The following SYNPR variants were observed in gnomAD, a reference collection of about 807,000 sequenced individuals.
SYNPR encodes synaptoporin.
SYNPR carries 23 observed loss-of-function variants against 32.9 expected under a neutral mutation model. That is an observed-to-expected ratio of 0.70 (90% confidence interval 0.50 to 0.99). The LOEUF is 0.99. Among genes scored for constraint, SYNPR ranks in the 50% least tolerant of loss-of-function variants. The pLI is 0.00. For synonymous variants in SYNPR, 146 were observed against 135.9 expected, an observed-to-expected ratio of 1.07 and a Z score of -0.52; for missense variants, 318 against 349.3, an observed-to-expected ratio of 0.91 and a Z score of 0.71.
At chr3:63,436,405 T>C (rs919637005) in intron 2 of SYNPR, among the ~76,000 whole-genome samples, 1 of 147,938 alleles carries the variant, frequency 6.8e-6, no homozygotes, top group Middle Eastern at 3.4e-3. Flanking sequence ...ATTGTTCAAT[T>C]CCCACCTATG....
chr3:63,250,376 A>C (rs1198486204), intron 1 of SYNPR, among the ~76,000 whole-genome samples: 1 of 152,156 alleles, frequency 6.6e-6, no homozygotes, highest in East Asian at 1.9e-4. Flanking sequence ...CAAGATCTCC[A>C]CGCCTGGGGC....
chr3:63,282,310 A>G (rs983655245), intron 2 of SYNPR, among the ~76,000 whole-genome samples: 1 of 152,202 alleles, frequency 6.6e-6, no homozygotes, highest in African/African-American at 2.4e-5. Context: ...ATAAGCAATC[A>G]GTTGCTTTTA....
intron 3 of SYNPR, among the ~76,000 whole-genome samples, chr3:63,510,544 A>G (rs1258799623): frequency 2.0e-5 from 3 of 152,196 alleles, no homozygotes; most frequent in African/African-American, 7.2e-5. Context: ...GAGGGTTCCT[A>G]AATCATGCAA....
intron 2 of SYNPR, among the ~76,000 whole-genome samples, chr3:63,437,435 G>A (rs564731441): frequency 5.3e-5 from 8 of 152,146 alleles, no homozygotes; most frequent in African/African-American, 1.2e-4. Context: ...TGTGTTAGTC[G>A]GGTTTCAGGC....
At chr3:63,457,231 C>T (rs915865390) in intron 2 of SYNPR, among the ~76,000 whole-genome samples, 4 of 152,132 alleles carry the variant, frequency 2.6e-5, no homozygotes, top group African/African-American at 9.6e-5. Flanking sequence ...CTCTTCAGTG[C>T]TTTCTCTTTG....
chr3:63,466,636 G>A (rs1700686980), intron 2 of SYNPR, among the ~76,000 whole-genome samples: 1 of 152,044 alleles, frequency 6.6e-6, no homozygotes. Context: ...TAGACTGGGT[G>A]GTTTAAAGAA....
intron 4 of SYNPR, among the ~76,000 whole-genome samples, chr3:63,604,126 TATAGAGGTTTTC>T (rs906875948): frequency 1.3e-5 from 2 of 152,132 alleles, no homozygotes; most frequent in Admixed American, 1.3e-4. Context: ...AGTTTGTGCG[TATAGAGGTTTTC>T]ATAGTAGTTT....
intron 2 of SYNPR, among the ~76,000 whole-genome samples, chr3:63,355,213 AG>A (rs2087560846): frequency 6.7e-6 from 1 of 149,222 alleles, no homozygotes; most frequent in Non-Finnish European, 1.5e-5. Flanking sequence ...TTGGAGGTGG[AG>A]GTTGCGGTGA....
At chr3:63,480,716 T>C in intron 2 of SYNPR, 116 bp from the exon 3 acceptor site, 1 of 1,359,112 alleles carries the variant, frequency 7.4e-7, no homozygotes, top group Non-Finnish European at 9.9e-7. Context: ...GGCAATGCTC[T>C]TCTTCAGAAG....
chr3:63,608,124 T>C (rs1279775804), intron 4 of SYNPR, among the ~76,000 whole-genome samples: 1 of 152,152 alleles, frequency 6.6e-6, no homozygotes. Flanking sequence ...TTTAATACTA[T>C]GTTCTAATAG....
At position 63,268,128 on chromosome 3, in the gene SYNPR, G is replaced by T. The variant is rs150826825; in HGVS notation, n.287+679G>T. Among the ~76,000 whole-genome samples the T allele has an allele frequency of 3.1e-3, 468 of 152,248 alleles. 2 individuals are homozygous for T. The highest frequency in any genetic ancestry group is 0.01 in the Middle Eastern group (3 of 294). On this transcript the variant is annotated intron_variant and non_coding_transcript_variant, in intron 3 of 4. Coordinates refer to the SYNPR transcript ENST00000478456. ...AACTTATGATTCTGTGTGCCAAGGTGTAAGTGAGAGGGGAAGTCCCCAAAG... is the reference window on the plus strand; with the variant it reads ...AACTTATGATTCTGTGTGCCAAGGTTTAAGTGAGAGGGGAAGTCCCCAAAG...
At chr3:63,498,228 G>A (rs1422883420) in intron 3 of SYNPR, among the ~76,000 whole-genome samples, 1 of 152,082 alleles carries the variant, frequency 6.6e-6, no homozygotes, top group Non-Finnish European at 1.5e-5. Flanking sequence ...TGGGAGGTGG[G>A]CACTAATTTA....
chr3:63,305,963 C>G (rs2086906596), intron 2 of SYNPR, among the ~76,000 whole-genome samples: 1 of 151,984 alleles, frequency 6.6e-6, no homozygotes, highest in Non-Finnish European at 1.5e-5. Flanking sequence ...AACAGAAATG[C>G]CCCATCCACC....
chr3:63,574,188 G>C lies in SYNPR; in HGVS notation c.408+17447G>C, dbSNP rs142222582. 2.7e-3 allele frequency among the ~76,000 whole-genome samples: 409 copies of C among 152,276 alleles called. 3 individuals are homozygous for C. Among genetic ancestry groups the C allele is most frequent in the South Asian group, 0.019 (93 of 4,820 alleles). Reference sequence around the variant, plus strand: ...GAGCAAGTCCCTTTGAAGCTAGAGAGAGTGTTTTGGGGAACAATATTCAGG... The same window carrying C: ...GAGCAAGTCCCTTTGAAGCTAGAGACAGTGTTTTGGGGAACAATATTCAGG... On this transcript the variant is annotated intron_variant, in intron 4 of 5. Coordinates refer to ENST00000478300, the MANE Select transcript of SYNPR (RefSeq NM_001130003.2).
intron 2 of SYNPR, among the ~76,000 whole-genome samples, chr3:63,444,712 T>C (rs569472743): frequency 6.6e-6 from 1 of 152,230 alleles, no homozygotes; most frequent in East Asian, 1.9e-4. Context: ...CCTTCATATC[T>C]ACTCCCTTTT....
At chr3:63,524,432 T>A (rs1428266948) in intron 3 of SYNPR, among the ~76,000 whole-genome samples, 8 of 152,132 alleles carry the variant, frequency 5.3e-5, no homozygotes, top group Non-Finnish European at 1.0e-4. Context: ...AAGGAGAAAG[T>A]TTGGCAGGAT....
intron 2 of SYNPR, among the ~76,000 whole-genome samples, chr3:63,330,696 G>A (rs2087218450): frequency 6.6e-6 from 1 of 152,122 alleles, no homozygotes; most frequent in Admixed American, 6.5e-5. Flanking sequence ...ATCTATGTAT[G>A]AGCCCTATAA....
At chr3:63,343,309 A>G (rs1186165362) in intron 2 of SYNPR, among the ~76,000 whole-genome samples, 2 of 152,324 alleles carry the variant, frequency 1.3e-5, no homozygotes, top group East Asian at 1.9e-4. Flanking sequence ...TATATTTATA[A>G]AAGATCACTG....
At chr3:63,452,004 T>C in intron 2 of SYNPR, 1 of 680,682 alleles carries the variant, frequency 1.5e-6, no homozygotes, top group Non-Finnish European at 2.7e-6. Flanking sequence ...CACCCTCCTT[T>C]CTTCCTCCCC....
Sources: gnomAD v4.1 joint callset for allele counts (sites outside exome capture counted in the v4.1 genomes callset) on GRCh38, gnomAD v4.1.1 for gene constraint, MANE v1.5 for transcripts, NCBI Gene and HGNC (gene_info 2026-07-23, HGNC 2026-07-21) for gene names.